The following CDH22 variants were observed in gnomAD, a reference collection of about 807,000 sequenced individuals.
The protein encoded by CDH22 is cadherin-22.
CDH22 carries 30 observed loss-of-function variants against 58.4 expected under a neutral mutation model. The ratio of observed to expected loss-of-function variants is 0.51; its 90% confidence interval spans 0.38 to 0.70. CDH22 has a LOEUF of 0.70. Ranked by LOEUF, CDH22 falls within the 30% of genes least tolerant of loss-of-function variation. The probability of loss-of-function intolerance (pLI) is 0.00; values close to 1 mark genes in which losing one functional copy is unlikely to be tolerated. For synonymous variants in CDH22, 513 were observed against 558.2 expected (o/e 0.92, Z 1.14); for missense variants, 1,014 against 1,233.9 (o/e 0.82, Z 2.67).
intron 1 of CDH22, among the ~76,000 whole-genome samples, chr20:46,268,486 A>T (rs921025123): frequency 1.3e-5 from 2 of 152,236 alleles, no homozygotes; most frequent in Non-Finnish European, 2.9e-5. Flanking sequence ...TCCTTAAACA[A>T]GATTCAATTC....
At chr20:46,304,981 G>A (rs1600732576) in intron 1 of CDH22, among the ~76,000 whole-genome samples, 1 of 152,306 alleles carries the variant, frequency 6.6e-6, no homozygotes, top group Non-Finnish European at 1.5e-5. Flanking sequence ...ATAGATTTCA[G>A]TCCCCGCTCT....
At chr20:46,293,799 G>A (rs936031510) in intron 1 of CDH22, among the ~76,000 whole-genome samples, 14 of 152,184 alleles carry the variant, frequency 9.2e-5, no homozygotes, top group Middle Eastern at 3.4e-3. Context: ...GGCGTATCAC[G>A]AGGTCAGGAG....
At chr20:46,204,303 A>G (rs574639600) in intron 7 of CDH22, among the ~76,000 whole-genome samples, 33 of 149,814 alleles carry the variant, frequency 2.2e-4, no homozygotes, top group Admixed American at 2.1e-3. Flanking sequence ...CTGAGGCAGG[A>G]GAATTGCATG....
chr20:46,202,991 G>A (rs2085972837), intron 7 of CDH22, among the ~76,000 whole-genome samples: 1 of 152,162 alleles, frequency 6.6e-6, no homozygotes, highest in South Asian at 2.1e-4. Context: ...TTGGCTCAGA[G>A]CTGTCTCCTC....
intron 1 of CDH22, among the ~76,000 whole-genome samples, chr20:46,296,713 G>A (rs367871619): frequency 1.3e-5 from 2 of 152,048 alleles, no homozygotes; most frequent in East Asian, 1.9e-4. Context: ...ATGGTTTGGC[G>A]CTGACAGGCA....
intron 1 of CDH22, among the ~76,000 whole-genome samples, chr20:46,262,699 G>T (rs2086439178): frequency 6.6e-6 from 1 of 152,172 alleles, no homozygotes; most frequent in Non-Finnish European, 1.5e-5. Flanking sequence ...TCACACAACT[G>T]ATATGTTGTG....
intron 1 of CDH22, among the ~76,000 whole-genome samples, chr20:46,271,487 CT>C (rs1218993383): frequency 6.6e-6 from 1 of 152,124 alleles, no homozygotes; most frequent in Non-Finnish European, 1.5e-5. Flanking sequence ...AACCCCTTCC[CT>C]TAATAGCAAA....
intron 8 of CDH22, among the ~76,000 whole-genome samples, chr20:46,192,054 C>T (rs1568653246): frequency 6.6e-6 from 1 of 152,208 alleles, no homozygotes; most frequent in Non-Finnish European, 1.5e-5. Context: ...TGCCATCCTA[C>T]CAAATGCCAC....
chr20:46,213,263 C>A, intron 5 of CDH22, 75 bp from the exon 6 acceptor site: 2 of 1,067,338 alleles, frequency 1.9e-6, no homozygotes, highest in African/African-American at 1.5e-5. Context: ...GGGGAGGGGA[C>A]AAGGGGGCCC....
Position 46,178,103 on chromosome 20 carries a change from C to T in CDH22, c.1758G>A (p.Pro586=), listed in dbSNP as rs142906878. ...FLPILVVDSG[P]PTLSSTGTLT... The stretch of plus-strand genomic sequence containing the variant: ...GCGTGCCTGTGCTGCTCAGTGTGGG[C>T]GGCCCACTGTCTACCACCAGGATGG... The change falls in exon 11 of 12, where the codon CCG becomes CCA. Residue 586 remains proline (P), a synonymous_variant. Transcript: ENST00000537909. 492 of 1,613,928 alleles carry T rather than the reference C, an allele frequency of 3.0e-4. 2 individuals are homozygous for T. The African/African-American group carries it at 5.6e-3, about 18-fold the overall frequency.
chr20:46,271,292 C>T (rs1007737922), intron 1 of CDH22, among the ~76,000 whole-genome samples: 1 of 152,192 alleles, frequency 6.6e-6, no homozygotes, highest in Non-Finnish European at 1.5e-5. Context: ...AAATGGCCCT[C>T]CTCTTTTCTG....
At chr20:46,217,391 CA>C (rs2086093548) in intron 4 of CDH22, among the ~76,000 whole-genome samples, 1 of 152,166 alleles carries the variant, frequency 6.6e-6, no homozygotes, top group Non-Finnish European at 1.5e-5. Flanking sequence ...CAGAATAACA[CA>C]CACAGGTTTA....
At chr20:46,292,131 T>A (rs551712030) in intron 1 of CDH22, among the ~76,000 whole-genome samples, 5 of 152,208 alleles carry the variant, frequency 3.3e-5, no homozygotes, top group Admixed American at 3.3e-4. Flanking sequence ...CCAAGGTCAC[T>A]CAGAGAGTTG....
intron 1 of CDH22, among the ~76,000 whole-genome samples, chr20:46,294,158 A>C (rs2086618571): frequency 6.6e-6 from 1 of 152,226 alleles, no homozygotes. Flanking sequence ...ATTGATCCTC[A>C]GTGCAACACA....
chr20:46,216,058 A>G lies in CDH22; in HGVS notation c.838+768T>C, dbSNP rs2086083068. Among the ~76,000 whole-genome samples, 1 of 152,122 alleles carries G rather than the reference A, an allele frequency of 6.6e-6. No homozygotes were observed. ...GGTCAGTCCCCTGTGGCGGGGCCTA[A>G]TGTGAGAGCAGCAGACCTCAAGTAA... On this transcript the variant is annotated intron_variant, in intron 5 of 11. Transcript: ENST00000537909. The surrounding 1 kb of genome is among the most constrained non-coding windows in gnomAD (Gnocchi z 5.3).
At position 46,216,367 on chromosome 20, in the gene CDH22, C is replaced by T. The variant is rs2086085218; in HGVS notation, c.838+459G>A. ...GACTTAGTTTTTCTCTGCACAACCTCTATCTGTCTGGGGGCTGAGCTGCCT... is the reference window on the plus strand; with the variant it reads ...GACTTAGTTTTTCTCTGCACAACCTTTATCTGTCTGGGGGCTGAGCTGCCT... On this transcript the variant is annotated intron_variant, in intron 5 of 11. Coordinates refer to ENST00000537909, the MANE Select transcript of CDH22 (RefSeq NM_021248.3). This position sits in a 1 kb window ranked among gnomAD's most constrained non-coding sequence, Gnocchi z 5.3. Among the ~76,000 whole-genome samples the T allele has an allele frequency of 6.6e-6, 1 of 152,242 alleles. No homozygotes were observed. The highest frequency in any genetic ancestry group is 2.4e-5 in the African/African-American group (1 of 41,460).
At chr20:46,208,721 G>A (rs2086018276) in intron 7 of CDH22, among the ~76,000 whole-genome samples, 1 of 152,174 alleles carries the variant, frequency 6.6e-6, no homozygotes, top group African/African-American at 2.4e-5. Context: ...AGCCTCCAGA[G>A]TAGCTGTGAC....
intron 7 of CDH22, among the ~76,000 whole-genome samples, chr20:46,207,308 G>T (rs1273416098): frequency 6.6e-6 from 1 of 152,212 alleles, no homozygotes; most frequent in South Asian, 2.1e-4. Flanking sequence ...CTGAGAGGGG[G>T]TGTGGAGAGT....
chr20:46,209,957 A>C, intron 7 of CDH22: 1 of 234,974 alleles, frequency 4.3e-6, no homozygotes, highest in Non-Finnish European at 8.2e-6. Context: ...AGTCCTGGGC[A>C]CAGGGATGGC....
Sources: gnomAD v4.1 joint callset for allele counts (sites outside exome capture counted in the v4.1 genomes callset) on GRCh38, gnomAD v4.1.1 for gene constraint, Gnocchi (gnomAD v3.1) non-coding constraint, MANE v1.5 for transcripts, NCBI Gene and HGNC (gene_info 2026-07-23, HGNC 2026-07-21) for gene names.